Variants in ANK3 observed in about 807,000 individuals in gnomAD.
The protein encoded by ANK3 is ankyrin-3.
In ANK3, 57 loss-of-function variants were observed where a neutral mutation model predicts 370.9. The ratio of observed to expected loss-of-function variants is 0.15; its 90% CI spans 0.12 to 0.19. The LOEUF (loss-of-function observed/expected upper bound fraction) is 0.19, where lower values mean the gene tolerates loss of function less well. Ranked by LOEUF, ANK3 falls within the 10% of genes least tolerant of loss-of-function variation. The pLI, the probability that ANK3 is intolerant of heterozygous loss-of-function variation, is 1.00. For missense variants in ANK3, 4,439 were observed against 5,302.1 expected (o/e 0.84, Z 5.06); for synonymous variants, 1,929 against 1,946.3 (o/e 0.99, Z 0.23).
At chr10:60,068,084 G>A (rs1287047779) in intron 37 of ANK3, 75 bp from the exon 38 acceptor site, 13 of 1,369,728 alleles carry the variant, frequency 9.5e-6, no homozygotes, top group Admixed American at 5.1e-5. Flanking sequence ...TTAGCAGTAC[G>A]CAGATTTTAC....
intron 2 of ANK3, among the ~76,000 whole-genome samples, chr10:60,424,836 A>T (rs959855624): frequency 1.3e-5 from 2 of 152,042 alleles, no homozygotes; most frequent in Non-Finnish European, 2.9e-5. Flanking sequence ...GGTTGCAGGG[A>T]TTACATGAGA....
chr10:60,280,409 A>C (rs919242311), intron 1 of ANK3, among the ~76,000 whole-genome samples: 1 of 152,174 alleles, frequency 6.6e-6, no homozygotes, highest in African/African-American at 2.4e-5. Flanking sequence ...ATGATGTTCT[A>C]CTGGATTTTC....
At chr10:60,614,640 C>T (rs1044064995) in intron 2 of ANK3, among the ~76,000 whole-genome samples, 14 of 152,132 alleles carry the variant, frequency 9.2e-5, no homozygotes, top group African/African-American at 2.9e-4. Flanking sequence ...GCCCACTGAG[C>T]AGAATATCCT....
At chr10:60,100,293 T>C (rs974311640) in intron 28 of ANK3, among the ~76,000 whole-genome samples, 3 of 140,258 alleles carry the variant, frequency 2.1e-5, no homozygotes, top group African/African-American at 7.8e-5. Flanking sequence ...TTAAATTGTA[T>C]TTTTATTCTC....
chr10:60,431,023 T>C (rs2064009486), intron 2 of ANK3, among the ~76,000 whole-genome samples: 1 of 152,228 alleles, frequency 6.6e-6, no homozygotes, highest in Non-Finnish European at 1.5e-5. Context: ...AGACAATTTT[T>C]CCACGGACCA....
chr10:60,599,385 G>A (rs192452946), intron 2 of ANK3, among the ~76,000 whole-genome samples: 8 of 152,232 alleles, frequency 5.3e-5, no homozygotes, highest in Non-Finnish European at 1.5e-5. Context: ...GTGGATATTC[G>A]ATACCGCGCT....
intron 2 of ANK3, among the ~76,000 whole-genome samples, chr10:60,509,896 A>G (rs1249303436): frequency 1.3e-5 from 2 of 152,204 alleles, no homozygotes; most frequent in Admixed American, 6.5e-5. Context: ...GAGATAATAC[A>G]CATAACATAA....
chr10:60,649,305 T>TC (rs1554800933), intron 1 of ANK3, among the ~76,000 whole-genome samples: 2 of 87,708 alleles, frequency 2.3e-5, no homozygotes, highest in African/African-American at 7.4e-5. Context: ...AACTGTATTA[T>TC]CAAAAAAAAA....
chr10:60,483,039 G>T (rs932582122), intron 2 of ANK3, among the ~76,000 whole-genome samples: 5 of 152,202 alleles, frequency 3.3e-5, no homozygotes, highest in Non-Finnish European at 7.3e-5. Context: ...TCAGTGCTGA[G>T]TTCTGTTAGA....
At chr10:60,449,210 T>A (rs1391487740) in intron 2 of ANK3, among the ~76,000 whole-genome samples, 1 of 152,204 alleles carries the variant, frequency 6.6e-6, no homozygotes, top group Non-Finnish European at 1.5e-5. Flanking sequence ...GCCAGCCACA[T>A]ATGTAACCCA....
At position 60,177,593 on chromosome 10, in the gene ANK3, C is replaced by CTTTTTTTTTTTTTTTTTTTTTTTTTTT. The variant is rs771714886; in HGVS notation, c.2184+3735_2184+3736insAAAAAAAAAAAAAAAAAAAAAAAAAAA. 1.2e-4 allele frequency among the ~76,000 whole-genome samples: 13 copies of CTTTTTTTTTTTTTTTTTTTTTTTTTTT among 106,252 alleles called. 2 individuals carry two copies. Among genetic ancestry groups the CTTTTTTTTTTTTTTTTTTTTTTTTTTT allele is most frequent in the Non-Finnish European group, 1.3e-4 (7 of 55,926 alleles). The allele number at this position is 106,252 out of a possible 152,430, so 69.7% of individuals were successfully genotyped here. A position where few individuals can be genotyped will look rare whatever the true frequency, so the allele number is the denominator to read the frequency against. On this transcript the variant is annotated intron_variant, in intron 18 of 43. Coordinates refer to ENST00000280772, the MANE Select transcript of ANK3 (RefSeq NM_020987.5). ...CCCATACCACACATGGTCTTCAAAT[C>CTTTTTTTTTTTTTTTTTTTTTTTTTTT]TTTTTTTTTTTTTTTTTTGTTTGAG... is the stretch of plus-strand genomic sequence containing the variant.
chr10:60,253,235 G>T (rs1260933960), intron 7 of ANK3, among the ~76,000 whole-genome samples: 2 of 152,194 alleles, frequency 1.3e-5, no homozygotes, highest in Non-Finnish European at 2.9e-5. Context: ...AGGGCTTGGG[G>T]TTGGCTGATG....
intron 32 of ANK3, chr10:60,084,028 C>T (rs1312621555): frequency 6.5e-6 from 1 of 154,958 alleles, no homozygotes; most frequent in Non-Finnish European, 1.4e-5. Context: ...GTAGGTAACT[C>T]AAGTGGCCAC....
At chr10:60,467,892 A>G (rs907189401) in intron 2 of ANK3, among the ~76,000 whole-genome samples, 19 of 152,328 alleles carry the variant, frequency 1.2e-4, no homozygotes, top group Admixed American at 1.1e-3. Flanking sequence ...ATTGAAAGGC[A>G]AAGTAACTGA....
intron 1 of ANK3, among the ~76,000 whole-genome samples, chr10:60,660,084 A>G (rs1246296500): frequency 1.3e-5 from 2 of 151,728 alleles, no homozygotes; most frequent in African/African-American, 4.8e-5. Flanking sequence ...TTCCTTGTGA[A>G]CTCCCTGGAC....
At position 60,073,808 on chromosome 10, in the gene ANK3, A is replaced by G; in HGVS notation, c.7073T>C (p.Met2358Thr). ...GGATAAGTCTTTCTGATATACATAC[A>G]TTTCTTTTTCTGGATGCTTTTTGGT... ...RETKKHPEKEMYVYQKDLSRG... is the reference protein window; with the variant it reads ...RETKKHPEKETYVYQKDLSRG... The change falls in exon 37 of 44, where the codon ATG (methionine) becomes ACG (threonine). Residue 2358 changes from methionine (M) to threonine (T), a missense_variant. By Grantham distance (81) the Met-to-Thr change is moderately conservative. This residue lies in a region of ANK3 where 1,601 missense variants were observed against 1,731.7 expected (regional missense o/e 0.92). Transcript: ENST00000280772. The G allele has an allele frequency of 6.2e-7, 1 of 1,613,388 alleles. No individual in the cohort carries two copies. The highest frequency in any genetic ancestry group is 1.1e-5 in the South Asian group (1 of 91,048).
intron 23 of ANK3, among the ~76,000 whole-genome samples, chr10:60,165,649 T>C (rs767618118): frequency 8.6e-5 from 13 of 151,804 alleles, no homozygotes; most frequent in African/African-American, 1.2e-4. Flanking sequence ...TGCATGCAAC[T>C]CAAAGAAAGA....
intron 1 of ANK3, among the ~76,000 whole-genome samples, chr10:60,633,063 A>G (rs2078506664): frequency 6.6e-6 from 1 of 152,168 alleles, no homozygotes. Flanking sequence ...CTCCAATTTG[A>G]TAAATTCAAA....
At chr10:60,533,606 A>G (rs2076656738) in intron 2 of ANK3, among the ~76,000 whole-genome samples, 1 of 152,162 alleles carries the variant, frequency 6.6e-6, no homozygotes, top group African/African-American at 2.4e-5. Context: ...CAAAGTGCAC[A>G]ATAAAACTGA....
Sources: allele counts gnomAD v4.1 joint callset (sites outside exome capture counted in the v4.1 genomes callset), GRCh38; gene constraint gnomAD v4.1.1; regional missense constraint gnomAD v4.1.1; transcripts MANE v1.5; gene names NCBI Gene and HGNC (gene_info 2026-07-23, HGNC 2026-07-21).